CCDC90B: variants seen among roughly 807,000 people sequenced by gnomAD.
CCDC90B encodes coiled-coil domain containing 90B.
Under a neutral mutation model 37.0 loss-of-function variants are expected in CCDC90B, and 24 were observed. The observed-to-expected ratio is 0.65, with a 90% CI of 0.47 to 0.91. The LOEUF (loss-of-function observed/expected upper bound fraction) is 0.91, where lower values mean the gene tolerates loss of function less well. CCDC90B is among the 40% of genes least tolerant of loss of function. The pLI, the probability that CCDC90B is intolerant of heterozygous loss-of-function variation, is 0.00. For synonymous variants in CCDC90B, 113 were observed against 101.1 expected, an observed-to-expected ratio of 1.12 and a Z score of -0.71; for missense variants, 319 against 299.0, an observed-to-expected ratio of 1.07 and a Z score of -0.49.
Position 83,261,852 on chromosome 11 carries a change from A to C in CCDC90B, c.*59T>G. 1 of 1,262,498 alleles carries C rather than the reference A, an allele frequency of 7.9e-7. No homozygotes were observed. The allele number at this position is 1,262,498 out of a possible 1,614,324, so 78.2% of individuals were successfully genotyped here. Reference sequence around the variant, plus strand: ...GCTGCAACTGACAATGTTCAAAGTAAATCTCTCCCGGTTTGGTGTTCTAAG... The same window carrying C: ...GCTGCAACTGACAATGTTCAAAGTACATCTCTCCCGGTTTGGTGTTCTAAG... On this transcript the variant is annotated 3_prime_UTR_variant, in exon 9 of 9. Transcript: ENST00000529689.
At chr11:83,262,903 C>G (rs1864011540) in intron 8 of CCDC90B, among the ~76,000 whole-genome samples, 1 of 152,158 alleles carries the variant, frequency 6.6e-6, no homozygotes, top group Non-Finnish European at 1.5e-5. Context: ...CCATTTGATC[C>G]TGCTACTATT....
At chr11:83,266,167 C>T (rs1864255910) in intron 7 of CCDC90B, among the ~76,000 whole-genome samples, 188 bp from the exon 8 acceptor site, 1 of 152,188 alleles carries the variant, frequency 6.6e-6, no homozygotes. Flanking sequence ...AACAGCTCCA[C>T]TCTGCAGCTC....
intron 7 of CCDC90B, among the ~76,000 whole-genome samples, chr11:83,269,265 GCTT>G (rs1291190436): frequency 5.3e-5 from 8 of 151,648 alleles, no homozygotes; most frequent in African/African-American, 1.9e-4. Flanking sequence ...AACTTCTGCT[GCTT>G]CTTATCTCTT....
rs1398445699 is a variant in CCDC90B at position 83,273,802 on chromosome 11, T to A, written c.531A>T (p.Val177=). 6.2e-7 allele frequency: 1 copy of A among 1,609,596 alleles called. No homozygotes were observed. Among genetic ancestry groups the A allele is most frequent in the Admixed American group, 1.7e-5 (1 of 59,508 alleles). The change falls in exon 6 of 9, where the codon GTA becomes GTT. Residue 177 remains valine, a synonymous_variant. Transcript: ENST00000529689. ...KLDINLERSR[V]TDMFTDQEKQ... is the part of the protein sequence containing the mutation. ...TTTAAAAGAACATTACCATATCTGT[T>A]ACTCTGCTCCTTTCTAAGTTGATAT... is the stretch of plus-strand genomic sequence containing the variant.
rs1383299249 is a variant in CCDC90B at position 83,260,617 on chromosome 11, A to C, written c.*1294T>G. On this transcript the variant is annotated 3_prime_UTR_variant, in exon 9 of 9. Transcript: ENST00000529689. ...ACTGCAGATTCCCTGTTTATAGCTA[A>C]ACAAATGACAAGGCTATTTTGAATA... The C allele has an allele frequency of 6.6e-6, 1 of 152,224 alleles. No individual in the cohort carries two copies. Among genetic ancestry groups the C allele is most frequent in the Non-Finnish European group, 1.5e-5 (1 of 68,036 alleles). 9.4% of individuals were successfully genotyped at this position (152,224 alleles called of 1,614,324 possible).
intron 1 of CCDC90B, 159 bp downstream of exon 1, chr11:83,285,714 A>T: frequency 1.4e-6 from 2 of 1,436,766 alleles, no homozygotes; most frequent in Non-Finnish European, 1.8e-6. Flanking sequence ...CGAGCTGGGC[A>T]AGTCGGGGCA....
Position 83,286,104 on chromosome 11 carries a change from C to G in CCDC90B, c.-132G>C. On this transcript the variant is annotated 5_prime_UTR_variant, in exon 1 of 9. Transcript: ENST00000529689. The stretch of plus-strand genomic sequence containing the variant: ...TTCGCTCTGTCACAAGCTCACCTCC[C>G]AGCGCAGGCGCCACCGTGGTCCCAC... 6.5e-7 allele frequency: 1 copy of G among 1,536,706 alleles called. No homozygotes were observed. Among genetic ancestry groups the G allele is most frequent in the South Asian group, 1.2e-5 (1 of 84,060 alleles).
intron 4 of CCDC90B, 97 bp from the exon 5 acceptor site, chr11:83,274,089 C>G (rs1041487990): frequency 2.4e-6 from 2 of 831,992 alleles, no homozygotes; most frequent in African/African-American, 3.6e-5. Context: ...TTTGGACAAT[C>G]TATGGATTTC....
chr11:83,276,298 G>T (rs1464124894), intron 3 of CCDC90B, among the ~76,000 whole-genome samples: 2 of 152,124 alleles, frequency 1.3e-5, no homozygotes, highest in African/African-American at 4.8e-5. Flanking sequence ...CATAGAAGTT[G>T]GAAAGCTAAT....
chr11:83,282,761 T>A (rs1422820993), intron 1 of CCDC90B, among the ~76,000 whole-genome samples: 1 of 152,200 alleles, frequency 6.6e-6, no homozygotes, highest in Non-Finnish European at 1.5e-5. Flanking sequence ...CTCCTTTAGG[T>A]TATGTCTCTC....
intron 3 of CCDC90B, among the ~76,000 whole-genome samples, chr11:83,277,826 A>G (rs754068806): frequency 5.9e-5 from 9 of 152,082 alleles, no homozygotes; most frequent in Non-Finnish European, 7.4e-5. Flanking sequence ...CTTTTGATCT[A>G]CCATGACCCT....
chr11:83,278,312 C>T (rs541233338), intron 3 of CCDC90B, among the ~76,000 whole-genome samples: 3 of 152,178 alleles, frequency 2.0e-5, no homozygotes, highest in African/African-American at 7.2e-5. Flanking sequence ...AAGTCCCTCC[C>T]AGCCAACTAA....
chr11:83,267,035 A>T (rs1166429070), intron 7 of CCDC90B: 2 of 152,276 alleles, frequency 1.3e-5, no homozygotes, highest in African/African-American at 4.8e-5. Context: ...TGTTAGAAGG[A>T]AAACTAACAA....
intron 3 of CCDC90B, among the ~76,000 whole-genome samples, chr11:83,276,766 ATTG>A (rs935441564): frequency 2.6e-5 from 4 of 152,234 alleles, no homozygotes; most frequent in Non-Finnish European, 5.9e-5. Flanking sequence ...CACATAATCC[ATTG>A]TTAAGTAGCT....
intron 3 of CCDC90B, among the ~76,000 whole-genome samples, chr11:83,278,225 C>T (rs1865163151): frequency 6.6e-6 from 1 of 152,196 alleles, no homozygotes; most frequent in Admixed American, 6.5e-5. Context: ...GTGCCACTTA[C>T]ATGTTAAATT....
chr11:83,281,602 A>G (rs1865387449), intron 1 of CCDC90B, among the ~76,000 whole-genome samples: 1 of 152,166 alleles, frequency 6.6e-6, no homozygotes, highest in African/African-American at 2.4e-5. Flanking sequence ...CTTGAATGTC[A>G]TCTAGAAGGG....
rs758004992 is a variant in CCDC90B, at chr11:83,285,991, T to G, written c.-19A>C. The G allele has an allele frequency of 1.2e-6, 2 of 1,601,134 alleles. No homozygotes were observed. The highest frequency in any genetic ancestry group is 3.4e-5 in the Admixed American group (2 of 58,540). On this transcript the variant is annotated 5_prime_UTR_variant, in exon 1 of 9. Coordinates refer to ENST00000529689, the MANE Select transcript of CCDC90B (RefSeq NM_021825.5). ...TATTCATGTCCTCAGAGTTTTCCGGTGGGAGGGAGGCGGAAGACGGGGTAA... is the reference window on the plus strand; with the variant it reads ...TATTCATGTCCTCAGAGTTTTCCGGGGGGAGGGAGGCGGAAGACGGGGTAA...
chr11:83,274,049 A>T lies in CCDC90B; in HGVS notation c.427-57T>A, dbSNP rs550316430. On this transcript the variant is annotated intron_variant, in intron 4 of 8. Coordinates refer to ENST00000529689, the MANE Select transcript of CCDC90B (RefSeq NM_021825.5). ...ATTAAACCAAGTCTATATTATGATT[A>T]AAAAAATCTGAAACCCTAGATTACC... 122 of 1,347,300 alleles carry T rather than the reference A, an allele frequency of 9.1e-5. No homozygotes were observed. The South Asian group carries it at 1.6e-3, about 18-fold the overall frequency. The allele number at this position is 1,347,300 out of a possible 1,614,324, so 83.5% of individuals were successfully genotyped here.
intron 1 of CCDC90B, among the ~76,000 whole-genome samples, chr11:83,280,692 A>G (rs774724330): frequency 2.0e-5 from 3 of 152,186 alleles, no homozygotes; most frequent in Non-Finnish European, 2.9e-5. Context: ...ACTCCCACTC[A>G]CTTATATATC....
Sources: gnomAD v4.1 joint callset for allele counts (sites outside exome capture counted in the v4.1 genomes callset) on GRCh38, gnomAD v4.1.1 for gene constraint, MANE v1.5 for transcripts, NCBI Gene and HGNC (gene_info 2026-07-23, HGNC 2026-07-21) for gene names.